Variants in PCDHGA5 observed in about 807,000 individuals in gnomAD.
The protein encoded by PCDHGA5 is protocadherin gamma-A5.
PCDHGA5 carries 36 observed loss-of-function variants against 56.7 expected under a neutral mutation model. The ratio of observed to expected loss-of-function variants is 0.64; its 90% CI spans 0.49 to 0.84. The LOEUF is 0.84. Among genes scored for constraint, PCDHGA5 ranks in the 40% least tolerant of loss-of-function variants. The pLI is 0.00. For synonymous variants in PCDHGA5, 563 were observed against 520.2 expected (o/e 1.08, Z -1.12); for missense variants, 1,305 against 1,201.5 (o/e 1.09, Z -1.27).
At chr5:141,384,368 C>T (rs748304499) in intron 1 of PCDHGA5, 7 of 1,613,908 alleles carry the variant, frequency 4.3e-6, no homozygotes, top group East Asian at 2.2e-5. Flanking sequence ...ATCACTTATT[C>T]CTTGGCCGAA....
chr5:141,389,045 T>C, intron 1 of PCDHGA5: 3 of 1,613,920 alleles, frequency 1.9e-6, no homozygotes, highest in Non-Finnish European at 2.5e-6. Flanking sequence ...TGGAAGGTGA[T>C]GTTCCATTTA....
Position 141,364,901 on chromosome 5 carries a change from T to C in PCDHGA5, c.571T>C (p.Tyr191His), listed in dbSNP as rs867026353. The C allele has an allele frequency of 1.9e-6, 3 of 1,613,962 alleles. No homozygotes were observed. The highest frequency in any genetic ancestry group is 3.3e-4 in the Middle Eastern group (2 of 6,062). Reference sequence around the variant, plus strand: ...GGTAAGCGGAACTGATGGACAAAAGTATCCGGAGCTGGTGTTGGAACAGCC... The same window carrying C: ...GGTAAGCGGAACTGATGGACAAAAGCATCCGGAGCTGGTGTTGGAACAGCC... ...DVVSGTDGQK[Y>H]PELVLEQPLD... Residue 191 changes from tyrosine to histidine, a missense_variant, in exon 1 of 4, where the codon TAT (tyrosine) becomes CAT (histidine). Physicochemically the swap from Tyr to His is moderately conservative, Grantham distance 83 (BLOSUM62 2). Coordinates refer to ENST00000518069, the MANE Select transcript of PCDHGA5 (RefSeq NM_018918.3).
chr5:141,484,940 G>C, intron 1 of PCDHGA5: 1 of 541,138 alleles, frequency 1.8e-6, no homozygotes, highest in Non-Finnish European at 3.3e-6. Flanking sequence ...GACGTTCTCT[G>C]CTCAGCCTAT....
intron 1 of PCDHGA5, chr5:141,384,370 T>C (rs769961814): frequency 1.9e-6 from 3 of 1,613,926 alleles, no homozygotes; most frequent in South Asian, 2.2e-5. Context: ...CACTTATTCC[T>C]TGGCCGAAGA....
At chr5:141,418,295 G>A (rs751665486) in intron 1 of PCDHGA5, 1 of 1,613,996 alleles carries the variant, frequency 6.2e-7, no homozygotes, top group Admixed American at 1.7e-5. Context: ...CAGTGAATCC[G>A]TCAGCCTGGG....
At chr5:141,417,256 C>G (rs985322130) in intron 1 of PCDHGA5, 1 of 152,096 alleles carries the variant, frequency 6.6e-6, no homozygotes, top group Non-Finnish European at 1.5e-5. Flanking sequence ...CTTCCAGCTT[C>G]ATAGATAATT....
intron 1 of PCDHGA5, among the ~76,000 whole-genome samples, chr5:141,482,178 C>T (rs950570560): frequency 2.6e-5 from 4 of 151,968 alleles, no homozygotes; most frequent in African/African-American, 4.8e-5. Context: ...TAAGGCTTTA[C>T]GATGCTCCAG....
At chr5:141,423,926 T>C (rs925790302) in intron 1 of PCDHGA5, 2 of 1,245,276 alleles carry the variant, frequency 1.6e-6, no homozygotes, top group Non-Finnish European at 2.0e-6. Flanking sequence ...CTATGCTGGT[T>C]TGGTTTGAAG....
rs571984924 is a variant in PCDHGA5 at position 141,383,845 on chromosome 5, G to T, written c.2421+17094G>T. ...AGATTATGAAGAAACTGCCTTCTAT[G>T]AAATGGAGGTTCAGGCTCAAGATGG... On this transcript the variant is annotated intron_variant, in intron 1 of 3. Coordinates refer to ENST00000518069, the MANE Select transcript of PCDHGA5 (RefSeq NM_018918.3). The T allele has an allele frequency of 1.6e-4, 259 of 1,613,938 alleles. 1 individual carries two copies. The South Asian group carries it at 2.6e-3, about 16-fold the overall frequency.
Position 141,476,934 on chromosome 5 carries a change from A to G in PCDHGA5, c.2422-17873A>G, listed in dbSNP as rs199685528. On this transcript the variant is annotated intron_variant, in intron 1 of 3. Transcript: ENST00000518069. The surrounding 1 kb of genome is among the most constrained non-coding windows in gnomAD (Gnocchi z 7.6). ...CAAGTCCTTGCAACGGATCTGGATG[A>G]AGGCCCCAACGGTGAAATTATTTAC... 255 of 1,614,164 alleles carry G rather than the reference A, an allele frequency of 1.6e-4. 3 individuals carry two copies. In the South Asian group the frequency reaches 2.6e-3, roughly 16 times the overall value.
Position 141,365,193 on chromosome 5 carries a change from T to A in PCDHGA5, c.863T>A (p.Ile288Asn). 2 of 1,613,762 alleles carry A rather than the reference T, an allele frequency of 1.2e-6. No homozygotes were observed. Among genetic ancestry groups the A allele is most frequent in the Non-Finnish European group, 1.7e-6 (2 of 1,179,866 alleles). Residue 288 changes from isoleucine to asparagine, a missense_variant, in exon 1 of 4, where the codon ATT becomes AAT. By Grantham distance (149) the Ile-to-Asn change is moderately radical. Transcript: ENST00000518069. ...TCTTTTCGCAATGAAGAAGAAAAAA[T>A]TTCGGAGACTTTCCAACTTGATTCC... ...TYSFRNEEEK[I>N]SETFQLDSNL...
At chr5:141,372,599 T>C (rs1768901288) in intron 1 of PCDHGA5, 1 of 1,613,920 alleles carries the variant, frequency 6.2e-7, no homozygotes, top group Non-Finnish European at 8.5e-7. Context: ...GCTTCAAGAC[T>C]GTACCTGGAG....
intron 1 of PCDHGA5, chr5:141,419,592 T>C (rs1561782617): frequency 6.2e-7 from 1 of 1,611,670 alleles, no homozygotes. Context: ...TTCGACACAG[T>C]GCCGCGGGCC....
At chr5:141,389,673 G>T (rs755380537) in intron 1 of PCDHGA5, 1 of 1,612,426 alleles carries the variant, frequency 6.2e-7, no homozygotes, top group South Asian at 1.1e-5. Context: ...CGCAGACTCA[G>T]GACACAACGC....
intron 1 of PCDHGA5, among the ~76,000 whole-genome samples, chr5:141,454,065 G>A (rs1167102666): frequency 1.3e-5 from 2 of 152,204 alleles, no homozygotes; most frequent in Non-Finnish European, 2.9e-5. Flanking sequence ...AGAAACAAAA[G>A]TGATAATGTT....
rs543335678 is a variant in PCDHGA5 at position 141,365,777 on chromosome 5, G to A, written c.1447G>A (p.Asp483Asn). ...SVTAHDPDSG[D>N]NARVTYSLAE... ...GACAGCCCATGACCCCGACAGCGGC[G>A]ACAACGCTCGAGTCACCTACTCCCT... The change falls in exon 1 of 4, where the codon GAC (aspartate) becomes AAC (asparagine). Residue 483 changes from aspartate (D) to asparagine (N), a missense_variant. Physicochemically the swap from Asp to Asn is conservative, Grantham distance 23 (BLOSUM62 1). Transcript: ENST00000518069. 6.8e-6 allele frequency: 11 copies of A among 1,613,736 alleles called. No homozygotes were observed. In the South Asian group the frequency reaches 9.9e-5, roughly 14 times the overall value.
At chr5:141,412,987 A>T (rs192699644) in intron 1 of PCDHGA5, 1 of 564,522 alleles carries the variant, frequency 1.8e-6, no homozygotes, top group African/African-American at 1.9e-5. Flanking sequence ...GCCAGAGCTC[A>T]ATCCGGATTC....
intron 1 of PCDHGA5, chr5:141,422,627 C>T: frequency 6.2e-7 from 1 of 1,613,350 alleles, no homozygotes; most frequent in Non-Finnish European, 8.5e-7. Flanking sequence ...GAAAACAACC[C>T]CAGGGGTGCC....
In PCDHGA5 at chr5:141,438,090, A is replaced by G. The variant is rs560861677; in HGVS notation, c.2422-56717A>G. 1.2e-4 allele frequency among the ~76,000 whole-genome samples: 18 copies of G among 152,310 alleles called. No individual in the cohort carries two copies. In the South Asian group the frequency reaches 3.5e-3, roughly 30 times the overall value. ...CATACTTAATGGAAAATTACCAGTA[A>G]CAGGGCATACTGTTTAGGATGCATT... On this transcript the variant is annotated intron_variant, in intron 1 of 3. Coordinates refer to ENST00000518069, the MANE Select transcript of PCDHGA5 (RefSeq NM_018918.3).
Sources: allele counts gnomAD v4.1 joint callset (sites outside exome capture counted in the v4.1 genomes callset), GRCh38; gene constraint gnomAD v4.1.1; non-coding constraint Gnocchi (gnomAD v3.1); transcripts MANE v1.5; gene names NCBI Gene and HGNC (gene_info 2026-07-23, HGNC 2026-07-21).